EIF1AX: variants seen among roughly 807,000 people sequenced by gnomAD.
The protein encoded by EIF1AX is eukaryotic translation initiation factor 1A, X-chromosomal.
Under a neutral mutation model 16.1 loss-of-function variants are expected in EIF1AX, and 1 was observed. That is an observed-to-expected ratio of 0.06 (90% CI 0.02 to 0.30). EIF1AX has a LOEUF of 0.30. Among genes scored for constraint, EIF1AX ranks in the 10% least tolerant of loss-of-function variants. The pLI is 1.00. For missense variants in EIF1AX, 11 were observed against 109.1 expected (o/e 0.10, Z 4.00); for synonymous variants, 32 against 37.3 (o/e 0.86, Z 0.51).
intron 2 of EIF1AX, among the ~76,000 whole-genome samples, chrX:20,137,078 C>T (rs774015533): frequency 9.0e-6 from 1 of 111,334 alleles, no homozygotes; most frequent in African/African-American, 3.3e-5. Context: ...AATATACTTG[C>T]ACTTAGAAGA....
At chrX:20,138,139 G>A (rs140419474) in intron 2 of EIF1AX, among the ~76,000 whole-genome samples, 3,171 of 106,360 alleles carry the variant, frequency 0.03, 125 homozygotes, top group African/African-American at 0.1. Flanking sequence ...TGAGTAGCTG[G>A]GATTACAGGC....
At chrX:20,129,998 G>T (rs1379648659) in intron 6 of EIF1AX, among the ~76,000 whole-genome samples, 2 of 111,348 alleles carry the variant, frequency 1.8e-5, no homozygotes, top group Admixed American at 1.9e-4. Context: ...ATTGAAGAGG[G>T]TTATAAGAAT....
chrX:20,130,173 C>T (rs1176568665), intron 6 of EIF1AX, among the ~76,000 whole-genome samples: 2 of 108,074 alleles, frequency 1.9e-5, no homozygotes, highest in Non-Finnish European at 3.8e-5. Context: ...CGTGGTGGCA[C>T]GCGCCTGTAG....
At position 20,127,560 on chromosome X, in the gene EIF1AX, TG is replaced by T. The variant is rs1480870261; in HGVS notation, c.*745del. 6.9e-6 allele frequency: 1 copy of T among 145,093 alleles called. No homozygotes were observed. Among genetic ancestry groups the T allele is most frequent in the Non-Finnish European group, 1.4e-5 (1 of 73,049 alleles). The allele number at this position is 145,093 out of a possible 1,213,427, so 12.0% of individuals were successfully genotyped here. A position where few individuals can be genotyped will look rare whatever the true frequency, so the allele number is the denominator to read the frequency against. On this transcript the variant is annotated 3_prime_UTR_variant, in exon 7 of 7. Coordinates refer to ENST00000379607, the MANE Select transcript of EIF1AX (RefSeq NM_001412.4). ...ATGATCAAAACAATCTTTTCATGTT[TG>T]GGGTATTTCTTACACATAGTAAAAG...
chrX:20,141,521 G>T (rs1175674774), intron 1 of EIF1AX, 104 bp downstream of exon 1: 1 of 985,490 alleles, frequency 1.0e-6, no homozygotes, highest in East Asian at 3.8e-5. Context: ...GGCAGGGCGG[G>T]AAGGAAAAAG....
At chrX:20,132,865 C>T (rs940542438) in intron 4 of EIF1AX, among the ~76,000 whole-genome samples, 6 of 111,921 alleles carry the variant, frequency 5.4e-5, no homozygotes, top group African/African-American at 2.0e-4. Context: ...TTTCTACTTC[C>T]CTATTTGAAA....
At chrX:20,137,210 C>G (rs761268202) in intron 2 of EIF1AX, among the ~76,000 whole-genome samples, 4 of 111,329 alleles carry the variant, frequency 3.6e-5, no homozygotes, top group Middle Eastern at 4.6e-3. Flanking sequence ...TTTCGGAGGC[C>G]GAGACGGGTG....
intron 6 of EIF1AX, among the ~76,000 whole-genome samples, chrX:20,130,085 G>A (rs1373273687): frequency 9.1e-6 from 1 of 109,984 alleles, no homozygotes; most frequent in East Asian, 2.9e-4. Flanking sequence ...GCAGATCACC[G>A]GAGGTCAGGA....
chrX:20,129,673 GCAAAC>G lies in EIF1AX; in HGVS notation c.429+838_429+842del, dbSNP rs2066995171. 6.3e-5 allele frequency among the ~76,000 whole-genome samples: 7 copies of G among 111,949 alleles called. No individual in the cohort carries two copies. The South Asian group carries it at 2.6e-3, about 41-fold the overall frequency. On this transcript the variant is annotated intron_variant, in intron 6 of 6. Transcript: ENST00000379607. Reference sequence around the variant, plus strand: ...TTTCCTCAAAATAAACATACCAACTGCAAACCAAGAGTTTGCCAACAGTACACACC... The same window carrying G: ...TTTCCTCAAAATAAACATACCAACTGCAAGAGTTTGCCAACAGTACACACC...
rs2066985875 is a variant in EIF1AX, at chrX:20,126,592, T to C, written c.*1714A>G. The C allele has an allele frequency of 7.6e-6, 1 of 132,340 alleles. No individual in the cohort carries two copies. Among genetic ancestry groups the C allele is most frequent in the Non-Finnish European group, 1.5e-5 (1 of 66,506 alleles). 10.9% of individuals were successfully genotyped at this position (132,340 alleles called of 1,213,427 possible). On this transcript the variant is annotated 3_prime_UTR_variant, in exon 7 of 7. Coordinates refer to ENST00000379607, the MANE Select transcript of EIF1AX (RefSeq NM_001412.4). ...TAGTAAAATAATATGAAAGGATCTATATATACTGTAAATTTAGCAAAAACA... is the reference window on the plus strand; with the variant it reads ...TAGTAAAATAATATGAAAGGATCTACATATACTGTAAATTTAGCAAAAACA...
At chrX:20,132,401 T>C in intron 4 of EIF1AX, 138 bp from the exon 5 acceptor site, 1 of 442,813 alleles carries the variant, frequency 2.3e-6, no homozygotes, top group African/African-American at 2.4e-5. Context: ...TTTAAAGCTT[T>C]CTCATACCCT....
In EIF1AX at chrX:20,141,692, A is replaced by G. The variant is rs1363024068; in HGVS notation, c.-52T>C. 1 of 1,125,219 alleles carries G rather than the reference A, an allele frequency of 8.9e-7. No homozygotes were observed. Among genetic ancestry groups the G allele is most frequent in the South Asian group, 2.0e-5 (1 of 49,347 alleles). The allele number at this position is 1,125,219 out of a possible 1,213,427, so 92.7% of individuals were successfully genotyped here. A position where few individuals can be genotyped will look rare whatever the true frequency, so the allele number is the denominator to read the frequency against. Reference sequence around the variant, plus strand: ...TCTGACTTCTTTCCGGGTAGCGGCGACCGCGGCGGCTGCTGCTCCGAGGGG... The same window carrying G: ...TCTGACTTCTTTCCGGGTAGCGGCGGCCGCGGCGGCTGCTGCTCCGAGGGG... On this transcript the variant is annotated 5_prime_UTR_variant, in exon 1 of 7. Transcript: ENST00000379607.
intron 6 of EIF1AX, among the ~76,000 whole-genome samples, chrX:20,129,172 G>A (rs1022584381): frequency 3.6e-5 from 4 of 111,937 alleles, no homozygotes; most frequent in African/African-American, 1.3e-4. Flanking sequence ...TTGTGTACAT[G>A]TTAAAATGTC....
chrX:20,141,506 G>C (rs957714133), intron 1 of EIF1AX, 119 bp downstream of exon 1: 11 of 874,273 alleles, frequency 1.3e-5, no homozygotes, highest in Non-Finnish European at 1.7e-5. Context: ...GCCCAGCCGC[G>C]GGCAGGCAGG....
intron 3 of EIF1AX, among the ~76,000 whole-genome samples, chrX:20,134,996 C>T (rs1299921007): frequency 9.0e-6 from 1 of 111,380 alleles, no homozygotes; most frequent in African/African-American, 3.3e-5. Flanking sequence ...GTACACTTTA[C>T]AGCTATATGT....
rs181989359 is a variant in EIF1AX, at chrX:20,125,648, T to C, written c.*2658A>G. 753 of 163,814 alleles carry C rather than the reference T, an allele frequency of 4.6e-3. 22 individuals carry two copies. The Admixed American group carries it at 0.055, about 12-fold the overall frequency. 13.5% of individuals were successfully genotyped at this position (163,814 alleles called of 1,213,427 possible). On this transcript the variant is annotated 3_prime_UTR_variant, in exon 7 of 7. Coordinates refer to ENST00000379607, the MANE Select transcript of EIF1AX (RefSeq NM_001412.4). The stretch of plus-strand genomic sequence containing the variant: ...TCTAGCTATTTTACTCAAAACATGC[T>C]TTTACCTATTTGATTACTCAGAGTT...
At chrX:20,132,836 G>T (rs886920632) in intron 4 of EIF1AX, among the ~76,000 whole-genome samples, 1 of 112,073 alleles carries the variant, frequency 8.9e-6, no homozygotes, top group Non-Finnish European at 1.9e-5. Flanking sequence ...GTCCCATTGA[G>T]AAATACTGCC....
intron 6 of EIF1AX, among the ~76,000 whole-genome samples, chrX:20,129,467 T>C (rs1045302513): frequency 8.9e-6 from 1 of 111,765 alleles, no homozygotes; most frequent in Admixed American, 9.5e-5. Flanking sequence ...ACATTTTAGT[T>C]AAAAGAGGTT....
intron 2 of EIF1AX, among the ~76,000 whole-genome samples, chrX:20,137,091 C>G (rs904433519): frequency 2.7e-5 from 3 of 111,513 alleles, no homozygotes; most frequent in Non-Finnish European, 5.6e-5. Flanking sequence ...TTAGAAGATA[C>G]ATGATCAAGT....
Sources: gnomAD v4.1 joint callset for allele counts (sites outside exome capture counted in the v4.1 genomes callset) on GRCh38, gnomAD v4.1.1 for gene constraint, MANE v1.5 for transcripts, NCBI Gene and HGNC (gene_info 2026-07-23, HGNC 2026-07-21) for gene names.